DKK4: variants seen among roughly 807,000 people sequenced by gnomAD.
DKK4 encodes dickkopf-related protein 4.
In DKK4, 15 loss-of-function variants were observed where a neutral mutation model predicts 14.5. That is an observed-to-expected ratio of 1.03 (90% CI 0.69 to 1.59). DKK4 has a LOEUF of 1.59. DKK4 is among the 40% of genes most tolerant of loss of function. The probability of loss-of-function intolerance (pLI) is 0.00; values close to 1 mark genes in which losing one functional copy is unlikely to be tolerated. For synonymous variants in DKK4, 89 were observed against 105.2 expected (o/e 0.85, Z 0.94); for missense variants, 272 against 280.3 (o/e 0.97, Z 0.21).
the DKK4 span, among the ~76,000 whole-genome samples, chr8:42,386,552 C>T: frequency 1.2e-4 from 18 of 152,244 alleles, no homozygotes; most frequent in East Asian, 2.7e-3. Context: ...AGTGCAGTGG[C>T]GCCATCTCGG....
chr8:42,378,959 A>AAC (rs1471007952), upstream of DKK4, among the ~76,000 whole-genome samples: 2 of 149,930 alleles, frequency 1.3e-5, no homozygotes, highest in African/African-American at 5.0e-5. Flanking sequence ...AAAAAAAAAA[A>AAC]AAAAAAGTAG....
Position 42,377,121 on chromosome 8 carries a change from A to G in DKK4, c.-76T>C. ...CGAGGCTGCTCTCCACCCAGAGCAG[A>G]GCTTCCACTAAGCTGGCAGCTCAGC... On this transcript the variant is annotated 5_prime_UTR_variant, in exon 1 of 4. Coordinates refer to ENST00000220812, the MANE Select transcript of DKK4 (RefSeq NM_014420.3). 4 of 1,195,084 alleles carry G rather than the reference A, an allele frequency of 3.3e-6. No individual in the cohort carries two copies. In the East Asian group the frequency reaches 9.9e-5, roughly 30 times the overall value. 74.0% of individuals were successfully genotyped at this position (1,195,084 alleles called of 1,614,324 possible).
the DKK4 span, among the ~76,000 whole-genome samples, chr8:42,390,792 T>C: frequency 6.6e-6 from 1 of 152,238 alleles, no homozygotes; most frequent in Non-Finnish European, 1.5e-5. Context: ...TACACACTTT[T>C]ACAAGAATAT....
the DKK4 span, among the ~76,000 whole-genome samples, chr8:42,386,311 C>G: frequency 5.3e-5 from 8 of 152,322 alleles, no homozygotes; most frequent in East Asian, 1.5e-3. Context: ...CACACACACA[C>G]ACACAATTGG....
At chr8:42,381,980 G>C (rs1167877542), upstream of DKK4, among the ~76,000 whole-genome samples, 4 of 152,184 alleles carry the variant, frequency 2.6e-5, no homozygotes, top group African/African-American at 7.2e-5. Context: ...CTGGGCGACA[G>C]AGCAAGACTC....
chr8:42,380,921 AAAAG>A (rs1447625744), upstream of DKK4, among the ~76,000 whole-genome samples: 14 of 152,124 alleles, frequency 9.2e-5, no homozygotes, highest in South Asian at 6.2e-4. Flanking sequence ...GAAAGAAAGA[AAAAG>A]AAAGAAGGAA....
chr8:42,387,250 C>T, the DKK4 span, among the ~76,000 whole-genome samples: 3 of 151,246 alleles, frequency 2.0e-5, no homozygotes, highest in African/African-American at 7.3e-5. Flanking sequence ...CCTTTCCACA[C>T]TTCCCAAGAG....
upstream of DKK4, among the ~76,000 whole-genome samples, chr8:42,378,244 G>C (rs939024259): frequency 6.6e-6 from 1 of 152,074 alleles, no homozygotes; most frequent in Non-Finnish European, 1.5e-5. Flanking sequence ...TCTTAGCATA[G>C]AGTCATCTAA....
the DKK4 span, among the ~76,000 whole-genome samples, chr8:42,388,139 A>G: frequency 8.7e-4 from 133 of 152,290 alleles, 1 homozygote; most frequent in Non-Finnish European, 1.7e-3. Context: ...GCCTCACAGG[A>G]TAGTCTGAAG....
chr8:42,377,734 G>T (rs757771968), upstream of DKK4, among the ~76,000 whole-genome samples: 1 of 152,220 alleles, frequency 6.6e-6, no homozygotes, highest in Non-Finnish European at 1.5e-5. Flanking sequence ...CTGGCATCCA[G>T]ATGTCAAAAT....
chr8:42,376,940 G>A lies in DKK4; in HGVS notation c.106C>T (p.Arg36Trp), dbSNP rs766867033. 59 of 1,613,314 alleles carry A rather than the reference G, an allele frequency of 3.7e-5. No individual in the cohort carries two copies. Among genetic ancestry groups the A allele is most frequent in the Non-Finnish European group, 4.7e-5 (55 of 1,179,918 alleles). ...CCCCTCCCTAGCAGCCTTACCTTCC[G>A]GGCCCCATGCAGGTCAGCAGAGCTC... ...IRSSADLHGARKGSQCLSDTD... is the reference protein window; with the variant it reads ...IRSSADLHGAWKGSQCLSDTD... The change falls in exon 1 of 4, where the codon CGG (arginine) becomes TGG (tryptophan). Residue 36 changes from arginine to tryptophan, a missense_variant. Physicochemically the swap from Arg to Trp is moderately radical, Grantham distance 101 (BLOSUM62 -3). Coordinates refer to ENST00000220812, the MANE Select transcript of DKK4 (RefSeq NM_014420.3).
the DKK4 span, among the ~76,000 whole-genome samples, chr8:42,382,583 G>A: frequency 2.0e-5 from 3 of 152,206 alleles, no homozygotes; most frequent in Non-Finnish European, 2.9e-5. Context: ...ACCTGGAGCC[G>A]TGGCTGTCTT....
chr8:42,380,915 GAAA>G (rs1415891516), upstream of DKK4, among the ~76,000 whole-genome samples: 1 of 151,132 alleles, frequency 6.6e-6, no homozygotes, highest in Non-Finnish European at 1.5e-5. Flanking sequence ...ATGAGAGAAA[GAAA>G]GAAAAAGAAA....
upstream of DKK4, among the ~76,000 whole-genome samples, chr8:42,379,423 A>AGAGAGAGAGAGAGG (rs1824631183): frequency 8.1e-6 from 1 of 123,014 alleles, no homozygotes; most frequent in African/African-American, 3.1e-5. Context: ...AGAGAGAGAG[A>AGAGAGAGAGAGAGG]GAGAAAGATT....
chr8:42,375,041 T>G (rs1824531457), intron 2 of DKK4, 128 bp from the exon 3 acceptor site: 2 of 901,514 alleles, frequency 2.2e-6, no homozygotes, highest in Non-Finnish European at 3.3e-6. Flanking sequence ...CTTTCTAGAT[T>G]TCTGGAACAT....
chr8:42,385,418 C>A, the DKK4 span, among the ~76,000 whole-genome samples: 1 of 152,014 alleles, frequency 6.6e-6, no homozygotes, highest in Non-Finnish European at 1.5e-5. Flanking sequence ...AATCTAAAAA[C>A]GATACACAAA....
chr8:42,389,487 A>G, the DKK4 span, among the ~76,000 whole-genome samples: 2 of 152,234 alleles, frequency 1.3e-5, no homozygotes, highest in South Asian at 4.1e-4. Flanking sequence ...TATTTGTCCA[A>G]GTCTTACATT....
chr8:42,381,482 CAG>C (rs1418858503), upstream of DKK4, among the ~76,000 whole-genome samples: 7 of 152,172 alleles, frequency 4.6e-5, no homozygotes, highest in Non-Finnish European at 1.0e-4. Flanking sequence ...GGATCACCAA[CAG>C]GGGGTGAACA....
the DKK4 span, among the ~76,000 whole-genome samples, chr8:42,384,007 C>T: frequency 6.6e-6 from 1 of 152,164 alleles, no homozygotes; most frequent in South Asian, 2.1e-4. Flanking sequence ...GCCACACCCC[C>T]CGCACCCCCC....
Sources: gnomAD v4.1 joint callset for allele counts (sites outside exome capture counted in the v4.1 genomes callset) on GRCh38, gnomAD v4.1.1 for gene constraint, MANE v1.5 for transcripts, NCBI Gene and HGNC (gene_info 2026-07-23, HGNC 2026-07-21) for gene names.